NRXN1: variants seen among roughly 807,000 people sequenced by gnomAD.
The protein encoded by NRXN1 is neurexin 1, also known as neurexin-1.
NRXN1 carries 39 observed loss-of-function variants against 150.9 expected under a neutral mutation model. That is an observed-to-expected ratio of 0.26 (90% CI 0.20 to 0.34). The LOEUF (loss-of-function observed/expected upper bound fraction) is 0.34, where lower values mean the gene tolerates loss of function less well. NRXN1 is among the 10% of genes least tolerant of loss of function. The pLI, the probability that NRXN1 is intolerant of heterozygous loss-of-function variation, is 1.00. For missense variants in NRXN1, 1,815 were observed against 1,949.9 expected (o/e 0.93, Z 1.30); for synonymous variants, 924 against 757.0 (o/e 1.22, Z -3.62).
chr2:50,510,328 A>T (rs988294990), intron 12 of NRXN1, among the ~76,000 whole-genome samples: 1 of 151,842 alleles, frequency 6.6e-6, no homozygotes, highest in Non-Finnish European at 1.5e-5. Context: ...TCTACTAAAA[A>T]TACAAAAAAT....
At chr2:50,761,874 G>A (rs1374430502) in intron 5 of NRXN1, among the ~76,000 whole-genome samples, 7 of 151,796 alleles carry the variant, frequency 4.6e-5, no homozygotes, top group Non-Finnish European at 2.9e-5. Flanking sequence ...GATGCTTCCT[G>A]CCCTCAAACA....
At chr2:50,646,858 T>G (rs1339477523) in intron 5 of NRXN1, among the ~76,000 whole-genome samples, 4 of 151,778 alleles carry the variant, frequency 2.6e-5, no homozygotes, top group Non-Finnish European at 5.9e-5. Context: ...AACTCTTGAT[T>G]GCATCTGAGT....
intron 21 of NRXN1, among the ~76,000 whole-genome samples, chr2:50,028,518 A>T (rs1688721175): frequency 6.6e-6 from 1 of 152,212 alleles, no homozygotes. Context: ...AATATTATAT[A>T]AGTTGTTAGT....
chr2:50,329,609 GTGTGTGTGTATATATATATATA>G (rs1394463331), intron 17 of NRXN1, among the ~76,000 whole-genome samples: 3 of 24,786 alleles, frequency 1.2e-4, no homozygotes, highest in African/African-American at 5.1e-4. Flanking sequence ...GTGTGTGTGT[GTGTGTGTGTATATATATATATA>G]TATATATATA....
intron 17 of NRXN1, among the ~76,000 whole-genome samples, chr2:50,407,883 T>A (rs2082867817): frequency 6.6e-6 from 1 of 152,182 alleles, no homozygotes. Context: ...GAAAAAGGAA[T>A]ATGGGAAAGA....
intron 18 of NRXN1, among the ~76,000 whole-genome samples, chr2:50,176,779 C>T (rs940102512): frequency 6.6e-6 from 1 of 151,916 alleles, no homozygotes; most frequent in African/African-American, 2.4e-5. Flanking sequence ...AGCAATACAC[C>T]CCTGGTCTTC....
Position 50,421,396 on chromosome 2 carries a change from T to C in NRXN1, c.3364+44046A>G, listed in dbSNP as rs567638219. 7.2e-5 allele frequency among the ~76,000 whole-genome samples: 11 copies of C among 152,206 alleles called. No individual in the cohort carries two copies. The South Asian group carries it at 2.3e-3, about 32-fold the overall frequency. On this transcript the variant is annotated intron_variant, in intron 17 of 22. Transcript: ENST00000401669. ...ATGCAATATTAGGTAAGTGGGAAAG[T>C]AAGGCCTTTCTTTTGACTATTAAGC...
chr2:50,689,471 T>C (rs1691734012), intron 5 of NRXN1, among the ~76,000 whole-genome samples: 1 of 152,206 alleles, frequency 6.6e-6, no homozygotes, highest in African/African-American at 2.4e-5. Flanking sequence ...ATAACTGGAC[T>C]CCATCCTTTA....
intron 18 of NRXN1, among the ~76,000 whole-genome samples, chr2:50,141,092 A>G (rs1388429224): frequency 6.6e-6 from 1 of 152,076 alleles, no homozygotes; most frequent in African/African-American, 2.4e-5. Context: ...CCAAATCAAC[A>G]AGTTGAATGG....
intron 18 of NRXN1, among the ~76,000 whole-genome samples, chr2:50,145,231 A>G (rs1707831217): frequency 1.3e-5 from 2 of 151,660 alleles, no homozygotes; most frequent in South Asian, 2.1e-4. Context: ...AAGTTCACCT[A>G]TTACTAAAAT....
intron 21 of NRXN1, among the ~76,000 whole-genome samples, chr2:50,036,945 C>T (rs1036169395): frequency 6.6e-6 from 1 of 152,148 alleles, no homozygotes; most frequent in African/African-American, 2.4e-5. Flanking sequence ...GAAAAACCAC[C>T]TACTGAAGCC....
intron 19 of NRXN1, among the ~76,000 whole-genome samples, chr2:50,085,091 A>T (rs1698595801): frequency 6.6e-6 from 1 of 152,228 alleles, no homozygotes; most frequent in South Asian, 2.1e-4. Flanking sequence ...TCTCAGAGTA[A>T]GATTTATTAC....
At chr2:50,949,474 A>C (rs746998680) in intron 2 of NRXN1, among the ~76,000 whole-genome samples, 2 of 152,060 alleles carry the variant, frequency 1.3e-5, no homozygotes, top group Non-Finnish European at 2.9e-5. Context: ...ATAAAATCAA[A>C]ATGAGGAATA....
intron 18 of NRXN1, among the ~76,000 whole-genome samples, chr2:50,223,024 T>C (rs1005887351): frequency 8.6e-5 from 13 of 151,950 alleles, no homozygotes; most frequent in African/African-American, 2.9e-4. Flanking sequence ...ATATGGGCTT[T>C]CCTGAAAAGT....
At chr2:50,623,727 T>G in intron 5 of NRXN1, 112 bp from the exon 6 acceptor site, 1 of 713,672 alleles carries the variant, frequency 1.4e-6, no homozygotes, top group Non-Finnish European at 2.3e-6. Flanking sequence ...CTTAATTAGA[T>G]TTCATGACAT....
intron 21 of NRXN1, chr2:49,974,245 G>A (rs4971883): frequency 0.32 from 212,312 of 655,862 alleles, 36,824 homozygotes; most frequent in Admixed American, 0.54. Flanking sequence ...AATGGCTGAC[G>A]CACTACGGCA....
At chr2:50,199,439 A>C (rs2152831595) in intron 18 of NRXN1, 1 of 152,210 alleles carries the variant, frequency 6.6e-6, no homozygotes, top group African/African-American at 2.4e-5. Context: ...AGAATGTAAA[A>C]GGATTATGGT....
intron 17 of NRXN1, among the ~76,000 whole-genome samples, chr2:50,313,537 A>G (rs574428227): frequency 6.6e-6 from 1 of 152,138 alleles, no homozygotes; most frequent in Admixed American, 6.6e-5. Flanking sequence ...CAAGCATTAG[A>G]CCCCGTAGAC....
intron 2 of NRXN1, among the ~76,000 whole-genome samples, chr2:50,978,940 G>A (rs564623010): frequency 3.0e-4 from 45 of 152,160 alleles, no homozygotes; most frequent in African/African-American, 1.1e-3. Context: ...GTTTTTAAAT[G>A]TAGTATAAAC....
Sources: gnomAD v4.1 joint callset for allele counts (sites outside exome capture counted in the v4.1 genomes callset) on GRCh38, gnomAD v4.1.1 for gene constraint, MANE v1.5 for transcripts, NCBI Gene and HGNC (gene_info 2026-07-23, HGNC 2026-07-21) for gene names.